The following SCIN variants were observed in gnomAD, a reference collection of about 807,000 sequenced individuals.
The protein encoded by SCIN is scinderin, also known as adseverin.
SCIN carries 91 observed loss-of-function variants against 91.8 expected under a neutral mutation model. The ratio of observed to expected loss-of-function variants is 0.99; its 90% CI spans 0.84 to 1.18. The LOEUF is 1.18. SCIN is among the 50% of genes most tolerant of loss of function. The probability of loss-of-function intolerance (pLI) is 0.00; values close to 1 mark genes in which losing one functional copy is unlikely to be tolerated. For synonymous variants in SCIN, 367 were observed against 312.6 expected, an observed-to-expected ratio of 1.17 and a Z score of -1.84; for missense variants, 1,087 against 863.9, an observed-to-expected ratio of 1.26 and a Z score of -3.24.
chr7:12,628,769 G>T (rs911631884), intron 8 of SCIN, among the ~76,000 whole-genome samples: 5 of 152,024 alleles, frequency 3.3e-5, no homozygotes, highest in African/African-American at 1.2e-4. Flanking sequence ...CTATAAAATA[G>T]ATATATATTT....
intron 13 of SCIN, among the ~76,000 whole-genome samples, chr7:12,645,100 A>T (rs182467145): frequency 1.9e-4 from 29 of 151,408 alleles, no homozygotes; most frequent in Middle Eastern, 6.9e-3. Flanking sequence ...CGGGTGTATC[A>T]CGAGATCAAG....
At chr7:12,575,473 T>C (rs1286171690) in intron 1 of SCIN, among the ~76,000 whole-genome samples, 2 of 152,150 alleles carry the variant, frequency 1.3e-5, no homozygotes, top group Admixed American at 1.3e-4. Flanking sequence ...TCAGCATTGC[T>C]AGCTCTGTGT....
intron 2 of SCIN, among the ~76,000 whole-genome samples, chr7:12,579,844 G>A (rs1457168281): frequency 1.3e-5 from 2 of 152,168 alleles, no homozygotes; most frequent in South Asian, 4.1e-4. Context: ...AACCCAGGAG[G>A]CAGAGGTTGC....
chr7:12,608,654 T>A (rs1020445858), intron 4 of SCIN, among the ~76,000 whole-genome samples: 1 of 152,022 alleles, frequency 6.6e-6, no homozygotes, highest in African/African-American at 2.4e-5. Context: ...ATTTTTTGCA[T>A]TTTTAGTAGA....
In SCIN at chr7:12,656,573, G is replaced by A. The variant is rs188176735; in HGVS notation, c.*3858G>A. 1.3e-5 allele frequency: 2 copies of A among 152,178 alleles called. No homozygotes were observed. The highest frequency in any genetic ancestry group is 3.9e-4 in the East Asian group (2 of 5,170). 9.4% of individuals were successfully genotyped at this position (152,178 alleles called of 1,614,324 possible). On this transcript the variant is annotated 3_prime_UTR_variant, in exon 16 of 16. Transcript: ENST00000297029. ...GCTCTTGGATAAAACGGACAACTCA[G>A]AGAAAAAACTGGCTTATAAATGCAC...
intron 3 of SCIN, among the ~76,000 whole-genome samples, chr7:12,594,778 G>T (rs572424451): frequency 2.0e-4 from 31 of 152,254 alleles, no homozygotes; most frequent in African/African-American, 4.1e-4. Context: ...GAATAGAGGA[G>T]GTAGCTGCGG....
At position 12,636,132 on chromosome 7, in the gene SCIN, G is replaced by C; in HGVS notation, c.1407G>C (p.Val469=). 1 of 1,611,232 alleles carries C rather than the reference G, an allele frequency of 6.2e-7. No individual in the cohort carries two copies. The highest frequency in any genetic ancestry group is 8.5e-7 in the Non-Finnish European group (1 of 1,178,592). Residue 469 remains valine, a synonymous_variant, in exon 10 of 16, where the codon GTG becomes GTC. Transcript: ENST00000297029. ...QLDRSLGGQA[V]QIRVSQGKEP... ...ATCGGTCCCTTGGAGGACAGGCTGTGCAGGTTGGGATATTTTTACCCCCAA... is the reference window on the plus strand; with the variant it reads ...ATCGGTCCCTTGGAGGACAGGCTGTCCAGGTTGGGATATTTTTACCCCCAA...
chr7:12,598,172 A>G (rs898192346), intron 3 of SCIN, among the ~76,000 whole-genome samples: 8 of 152,240 alleles, frequency 5.3e-5, no homozygotes, highest in Non-Finnish European at 8.8e-5. Flanking sequence ...GATTATAGTG[A>G]AAACTTTCTG....
chr7:12,619,010 ACTC>A (rs971521378), intron 4 of SCIN, among the ~76,000 whole-genome samples: 1 of 151,932 alleles, frequency 6.6e-6, no homozygotes, highest in Non-Finnish European at 1.5e-5. Context: ...CTAAGGCAAA[ACTC>A]CTAACTTCCT....
chr7:12,573,627 C>T (rs1034856), intron 1 of SCIN, among the ~76,000 whole-genome samples: 49,692 of 151,952 alleles, frequency 0.33, 8,948 homozygotes, highest in Middle Eastern at 0.42. Flanking sequence ...TTGCACCTAG[C>T]AGTTTAAATG....
At chr7:12,604,442 C>T (rs1783028703) in intron 3 of SCIN, 72 bp from the exon 4 acceptor site, 3 of 1,341,456 alleles carry the variant, frequency 2.2e-6, no homozygotes, top group East Asian at 5.1e-5. Context: ...CCTAATTAAT[C>T]ACAAGTATTA....
rs527407828 is a variant in SCIN, at chr7:12,604,166, A to G, written c.517-348A>G. Among the ~76,000 whole-genome samples the G allele has an allele frequency of 2.4e-3, 358 of 152,252 alleles. 2 individuals are homozygous for G. The highest frequency in any genetic ancestry group is 2.4e-3 in the Admixed American group (37 of 15,294). ...AAAATGTTATATCCATTTTATGATC[A>G]TCAAGAGTATCATATTTTTACAGAT... is the stretch of plus-strand genomic sequence containing the variant. On this transcript the variant is annotated intron_variant, in intron 3 of 15. Transcript: ENST00000297029.
At chr7:12,575,476 C>A (rs1321066918) in intron 1 of SCIN, among the ~76,000 whole-genome samples, 1 of 152,002 alleles carries the variant, frequency 6.6e-6, no homozygotes, top group South Asian at 2.1e-4. Context: ...GCATTGCTAG[C>A]TCTGTGTTTT....
chr7:12,609,428 G>C (rs1783146664), intron 4 of SCIN, among the ~76,000 whole-genome samples: 1 of 151,908 alleles, frequency 6.6e-6, no homozygotes, highest in African/African-American at 2.4e-5. Context: ...TGAATGTGAA[G>C]AAAAATTAAA....
Position 12,604,533 on chromosome 7 carries a change from GT to G in SCIN, c.538del (p.Ser180ProfsTer9). On this transcript the variant is annotated frameshift_variant, in exon 4 of 16. Coordinates refer to ENST00000297029, the MANE Select transcript of SCIN (RefSeq NM_001112706.3). LOFTEE classifies it high-confidence loss of function. Reference sequence around the variant, plus strand: ...TTTTAGGAAATTTATCAGTGGTGTGGTTCCTCGTGCAACAAATATGAACGTC... The same window carrying G: ...TTTTAGGAAATTTATCAGTGGTGTGGTCCTCGTGCAACAAATATGAACGTC... ...DLGTEIYQWC[G>X]SSCNKYERLK... 1 of 1,551,670 alleles carries G rather than the reference GT, an allele frequency of 6.4e-7. No individual in the cohort carries two copies. The highest frequency in any genetic ancestry group is 8.7e-7 in the Non-Finnish European group (1 of 1,146,988).
Position 12,570,936 on chromosome 7 carries a change from C to T in SCIN, c.150C>T (p.His50=), listed in dbSNP as rs931065907. The change falls in exon 1 of 16, where the codon CAC becomes CAT. Residue 50 remains histidine (H), a synonymous_variant. Transcript: ENST00000297029. ...TCGGGGATGCCTACCTGGTGCTGCA[C>T]ACGGCCAAGACGAGCCGAGGCTTCA... ...FYVGDAYLVL[H]TAKTSRGFTY... is the part of the protein sequence containing the mutation. 6.4e-7 allele frequency: 1 copy of T among 1,551,472 alleles called. No individual in the cohort carries two copies. The highest frequency in any genetic ancestry group is 8.7e-7 in the Non-Finnish European group (1 of 1,146,950).
chr7:12,616,052 G>A (rs768164759), intron 4 of SCIN, among the ~76,000 whole-genome samples: 2 of 152,104 alleles, frequency 1.3e-5, no homozygotes, highest in Non-Finnish European at 2.9e-5. Context: ...TTTAGCTCAT[G>A]TTCTCATTAT....
At position 12,657,973 on chromosome 7, in the gene SCIN, T is replaced by C. The variant is rs778561777; in HGVS notation, c.*5258T>C. On this transcript the variant is annotated 3_prime_UTR_variant, in exon 16 of 16. Coordinates refer to ENST00000297029, the MANE Select transcript of SCIN (RefSeq NM_001112706.3). ...ACAAACTCCATCTTATTTAGAGAGATTATTTTTGATGTTATTATAATAAAA... is the reference window on the plus strand; with the variant it reads ...ACAAACTCCATCTTATTTAGAGAGACTATTTTTGATGTTATTATAATAAAA... The C allele has an allele frequency of 2.8e-4, 43 of 152,138 alleles. No homozygotes were observed. Among genetic ancestry groups the C allele is most frequent in the Non-Finnish European group, 5.9e-5 (4 of 68,022 alleles). The allele number at this position is 152,138 out of a possible 1,614,324, so 9.4% of individuals were successfully genotyped here. A position where few individuals can be genotyped will look rare whatever the true frequency, so the allele number is the denominator to read the frequency against.
intron 11 of SCIN, among the ~76,000 whole-genome samples, chr7:12,643,686 A>G (rs1783899203): frequency 6.6e-6 from 1 of 152,140 alleles, no homozygotes; most frequent in African/African-American, 2.4e-5. Flanking sequence ...GCCAAGCAGC[A>G]CCATTTGGCA....
Sources: allele counts gnomAD v4.1 joint callset (sites outside exome capture counted in the v4.1 genomes callset), GRCh38; gene constraint gnomAD v4.1.1; transcripts MANE v1.5; gene names NCBI Gene and HGNC (gene_info 2026-07-23, HGNC 2026-07-21).